The following LYG1 variants were observed in gnomAD, a reference collection of about 807,000 sequenced individuals.
The protein encoded by LYG1 is lysozyme g1.
Under a neutral mutation model 21.7 loss-of-function variants are expected in LYG1, and 17 were observed. The observed-to-expected ratio is 0.78, with a 90% confidence interval of 0.54 to 1.18. The LOEUF (loss-of-function observed/expected upper bound fraction) is 1.18. Ranked by LOEUF, LYG1 falls within the 50% of genes most tolerant of loss-of-function variation. The pLI is 0.00. For synonymous variants in LYG1, 81 were observed against 87.4 expected, an observed-to-expected ratio of 0.93 and a Z score of 0.41; for missense variants, 211 against 238.1, an observed-to-expected ratio of 0.89 and a Z score of 0.75.
chr2:99,297,493 C>G (rs1361839531), intron 2 of LYG1, among the ~76,000 whole-genome samples: 1 of 152,156 alleles, frequency 6.6e-6, no homozygotes, highest in Non-Finnish European at 1.5e-5. Context: ...CTTGGAAACC[C>G]AAGTGGAAGG....
intron 1 of LYG1, 120 bp downstream of exon 1, chr2:99,300,930 G>A (rs538452625): frequency 5.7e-4 from 69 of 121,218 alleles, no homozygotes; most frequent in Middle Eastern, 3.7e-3. Flanking sequence ...CTTAAGTTTC[G>A]CCTGAGTCCA....
intron 4 of LYG1, 87 bp downstream of exon 4, chr2:99,292,449 G>T: frequency 1.0e-6 from 1 of 991,808 alleles, no homozygotes. Context: ...CCCCATACCC[G>T]GAACTCTTTC....
chr2:99,287,379 G>A (rs187980018), intron 5 of LYG1, among the ~76,000 whole-genome samples: 102 of 152,290 alleles, frequency 6.7e-4, no homozygotes, highest in African/African-American at 2.4e-3. Context: ...CTATTGGAGG[G>A]TGGAGTGTGG....
At chr2:99,290,768 G>T (rs1574882320) in intron 5 of LYG1, among the ~76,000 whole-genome samples, 1 of 152,108 alleles carries the variant, frequency 6.6e-6, no homozygotes, top group Non-Finnish European at 1.5e-5. Context: ...TATAGAAAAA[G>T]GTAAAGGAAA....
intron 2 of LYG1, among the ~76,000 whole-genome samples, chr2:99,296,088 T>C (rs912052208): frequency 1.3e-5 from 2 of 152,024 alleles, no homozygotes; most frequent in Admixed American, 1.3e-4. Flanking sequence ...ATTATCTCCA[T>C]TATCAAAAGG....
chr2:99,284,306 C>G lies in LYG1; in HGVS notation c.*87G>C, dbSNP rs1444230367. 8 of 1,143,810 alleles carry G rather than the reference C, an allele frequency of 7.0e-6. No individual in the cohort carries two copies. Among genetic ancestry groups the G allele is most frequent in the Non-Finnish European group, 1.0e-5 (8 of 779,888 alleles). 70.9% of individuals were successfully genotyped at this position (1,143,810 alleles called of 1,614,324 possible). ...ATGACTTTTAGGTCAAACTCAGATTCCCAGTTACAGGTGCCCTTGGCTAGT... is the reference window on the plus strand; with the variant it reads ...ATGACTTTTAGGTCAAACTCAGATTGCCAGTTACAGGTGCCCTTGGCTAGT... On this transcript the variant is annotated 3_prime_UTR_variant, in exon 7 of 7. Coordinates refer to ENST00000308528, the MANE Select transcript of LYG1 (RefSeq NM_174898.3).
intron 3 of LYG1, 67 bp downstream of exon 3, chr2:99,295,561 T>C: frequency 6.5e-7 from 1 of 1,540,818 alleles, no homozygotes; most frequent in South Asian, 1.1e-5. Flanking sequence ...GTATTAGAAG[T>C]GCCATTGTGT....
At chr2:99,289,193 C>T (rs1342346740) in intron 5 of LYG1, among the ~76,000 whole-genome samples, 2 of 152,096 alleles carry the variant, frequency 1.3e-5, no homozygotes, top group Non-Finnish European at 2.9e-5. Context: ...GGTAAAGTGG[C>T]TCACACCTGT....
Position 99,284,425 on chromosome 2 carries a change from G to A in LYG1, c.553C>T (p.Arg185Ter), listed in dbSNP as rs200811553. The change falls in exon 7 of 7, where the codon CGA (arginine) becomes TGA (stop). Residue 185 changes from arginine to a stop codon, truncating the protein, a stop_gained. Coordinates refer to ENST00000308528, the MANE Select transcript of LYG1 (RefSeq NM_174898.3). LOFTEE classifies it high-confidence loss of function. ...SCDFCNDVLA[R>*]AKYLKRHGF is the part of the protein sequence containing the mutation. Reference sequence around the variant, plus strand: ...CCATGTCTCTTGAGGTACTTGGCTCGTGCAAGGACATCATTGCAGAAGTCA... The same window carrying A: ...CCATGTCTCTTGAGGTACTTGGCTCATGCAAGGACATCATTGCAGAAGTCA... The A allele has an allele frequency of 2.4e-4, 385 of 1,614,058 alleles. 1 individual carries two copies. Among genetic ancestry groups the A allele is most frequent in the Non-Finnish European group, 3.1e-4 (367 of 1,180,018 alleles).
intron 2 of LYG1, among the ~76,000 whole-genome samples, chr2:99,296,161 C>T (rs999566492): frequency 2.6e-5 from 4 of 152,146 alleles, no homozygotes; most frequent in African/African-American, 7.2e-5. Context: ...TGAGGAAAGA[C>T]CACGCTTTCC....
chr2:99,302,846 C>T (rs1486827710), upstream of LYG1, among the ~76,000 whole-genome samples: 3 of 151,872 alleles, frequency 2.0e-5, no homozygotes, highest in Non-Finnish European at 4.4e-5. Context: ...GGCGAAACCC[C>T]ATCTCTACTA....
chr2:99,291,164 G>A, intron 5 of LYG1, 73 bp downstream of exon 5: 1 of 1,435,454 alleles, frequency 7.0e-7, no homozygotes, highest in Non-Finnish European at 9.6e-7. Context: ...GTGAAGCTTT[G>A]CCATCATCCA....
chr2:99,298,300 T>C (rs1191946238), intron 2 of LYG1, among the ~76,000 whole-genome samples, 159 bp downstream of exon 2: 2 of 152,046 alleles, frequency 1.3e-5, no homozygotes, highest in Non-Finnish European at 2.9e-5. Flanking sequence ...ATCCCTCTTC[T>C]CCCTTCCCAG....
chr2:99,294,985 C>G (rs1262416605), intron 3 of LYG1, among the ~76,000 whole-genome samples: 1 of 152,030 alleles, frequency 6.6e-6, no homozygotes, highest in East Asian at 1.9e-4. Context: ...GCCTGTAATC[C>G]CAGCTACTTG....
intron 1 of LYG1, among the ~76,000 whole-genome samples, chr2:99,300,370 C>A (rs926005357): frequency 1.3e-5 from 2 of 152,078 alleles, no homozygotes; most frequent in Non-Finnish European, 2.9e-5. Context: ...TTCCCATTTG[C>A]GTTTTTGAGA....
Position 99,291,400 on chromosome 2 carries a change from A to C in LYG1, c.170T>G (p.Leu57Arg), listed in dbSNP as rs111543961. Residue 57 changes from leucine (L) to arginine (R), a missense_variant, in exon 5 of 7, where the codon CTG becomes CGG. Transcript: ENST00000308528. ...NYCGVRASER[L>R]AEIDMPYLLK... is the part of the protein sequence containing the mutation. ...GAGGTATGGCATGTCTATTTCAGCCAGCCTTTCAGAAGCACGAACTCCTAA... is the reference window on the plus strand; with the variant it reads ...GAGGTATGGCATGTCTATTTCAGCCCGCCTTTCAGAAGCACGAACTCCTAA... 46 of 1,614,210 alleles carry C rather than the reference A, an allele frequency of 2.8e-5. No individual in the cohort carries two copies. In the African/African-American group the frequency reaches 4.3e-4, roughly 15 times the overall value.
At chr2:99,297,788 C>T (rs2094141254) in intron 2 of LYG1, among the ~76,000 whole-genome samples, 1 of 152,230 alleles carries the variant, frequency 6.6e-6, no homozygotes, top group African/African-American at 2.4e-5. Context: ...GATCACGGCT[C>T]ACTGCAGCCT....
chr2:99,293,910 T>C (rs2105297225), intron 3 of LYG1, among the ~76,000 whole-genome samples: 1 of 150,786 alleles, frequency 6.6e-6, no homozygotes. Context: ...AGATTACTCT[T>C]TAATTAATTA....
chr2:99,284,592 G>T, intron 6 of LYG1, 81 bp from the exon 7 acceptor site: 1 of 1,590,606 alleles, frequency 6.3e-7, no homozygotes. Context: ...TACCTAACAG[G>T]AGGCAGCTGG....
Sources: allele counts gnomAD v4.1 joint callset (sites outside exome capture counted in the v4.1 genomes callset), GRCh38; gene constraint gnomAD v4.1.1; transcripts MANE v1.5; gene names NCBI Gene and HGNC (gene_info 2026-07-23, HGNC 2026-07-21).